The following CRPPA variants were observed in gnomAD, a reference collection of about 807,000 sequenced individuals.
CRPPA encodes D-ribitol-5-phosphate cytidylyltransferase.
CRPPA carries 43 observed loss-of-function variants against 52.0 expected under a neutral mutation model. That is an observed-to-expected ratio of 0.83 (90% CI 0.65 to 1.07). The LOEUF is 1.07. Ranked by LOEUF, CRPPA falls within the 50% of genes least tolerant of loss-of-function variation. The pLI is 0.00. For synonymous variants in CRPPA, 250 were observed against 203.5 expected (o/e 1.23, Z -1.94); for missense variants, 629 against 551.7 (o/e 1.14, Z -1.40).
At chr7:16,301,904 C>T (rs995816123) in intron 4 of CRPPA, among the ~76,000 whole-genome samples, 1 of 152,106 alleles carries the variant, frequency 6.6e-6, no homozygotes, top group Non-Finnish European at 1.5e-5. Context: ...AGAGGGACTT[C>T]CTTCTGAATT....
At chr7:16,294,329 T>A (rs557453237) in intron 5 of CRPPA, among the ~76,000 whole-genome samples, 45 of 152,076 alleles carry the variant, frequency 3.0e-4, no homozygotes, top group African/African-American at 1.1e-3. Flanking sequence ...AATACCTCAA[T>A]GTGACCTTCA....
chr7:16,092,054 A>C (rs1269695287), intron 9 of CRPPA, among the ~76,000 whole-genome samples: 3 of 152,228 alleles, frequency 2.0e-5, no homozygotes, highest in African/African-American at 7.2e-5. Flanking sequence ...GCTAACAGAA[A>C]GAAAAGATTA....
chr7:16,370,864 C>G (rs1344806741), intron 3 of CRPPA, among the ~76,000 whole-genome samples: 1 of 152,160 alleles, frequency 6.6e-6, no homozygotes, highest in East Asian at 1.9e-4. Context: ...CTACCAACAG[C>G]CTTCCTGGAA....
At chr7:16,125,031 G>C (rs1347528904) in intron 9 of CRPPA, among the ~76,000 whole-genome samples, 2 of 151,534 alleles carry the variant, frequency 1.3e-5, no homozygotes, top group Non-Finnish European at 2.9e-5. Flanking sequence ...AGGCAGAGGT[G>C]GGCAGATCAC....
chr7:16,233,387 C>T (rs1299980293), intron 8 of CRPPA, among the ~76,000 whole-genome samples: 1 of 152,120 alleles, frequency 6.6e-6, no homozygotes, highest in Non-Finnish European at 1.5e-5. Context: ...GAGGAAGACA[C>T]TGTGACCCAT....
intron 5 of CRPPA, among the ~76,000 whole-genome samples, chr7:16,293,467 C>G (rs1205731964): frequency 1.3e-5 from 2 of 151,936 alleles, no homozygotes; most frequent in Non-Finnish European, 2.9e-5. Context: ...TAAAGAGAAT[C>G]ACCACTATTG....
At chr7:16,388,802 A>G (rs1318023848) in intron 2 of CRPPA, among the ~76,000 whole-genome samples, 4 of 152,080 alleles carry the variant, frequency 2.6e-5, no homozygotes, top group African/African-American at 9.7e-5. Flanking sequence ...CTTGAACCCA[A>G]GAGGCAATGG....
chr7:16,149,612 C>T (rs1030989226), intron 9 of CRPPA, among the ~76,000 whole-genome samples: 1 of 152,156 alleles, frequency 6.6e-6, no homozygotes, highest in Non-Finnish European at 1.5e-5. Context: ...TGTAGCATGC[C>T]TCTAAGCTAA....
intron 8 of CRPPA, 119 bp downstream of exon 8, chr7:16,258,271 A>T (rs966855672): frequency 1.5e-5 from 8 of 549,060 alleles, no homozygotes; most frequent in Non-Finnish European, 2.2e-5. Flanking sequence ...ATCCACAAAC[A>T]AGAGTTTCTT....
chr7:16,217,527 A>G (rs1288896451), intron 8 of CRPPA, among the ~76,000 whole-genome samples: 2 of 130,936 alleles, frequency 1.5e-5, no homozygotes, highest in African/African-American at 5.8e-5. Context: ...AAAGGCAAAG[A>G]AGTTGAAAAC....
chr7:16,403,378 T>G (rs1173599016), intron 2 of CRPPA, among the ~76,000 whole-genome samples: 2 of 152,188 alleles, frequency 1.3e-5, no homozygotes, highest in Non-Finnish European at 2.9e-5. Context: ...TGAGGCATTC[T>G]CTTTACCAGT....
chr7:16,227,024 T>G (rs1204146290), intron 8 of CRPPA, among the ~76,000 whole-genome samples: 1 of 151,968 alleles, frequency 6.6e-6, no homozygotes, highest in Admixed American at 6.6e-5. Flanking sequence ...TTACTTCACT[T>G]AATATAATGT....
intron 2 of CRPPA, among the ~76,000 whole-genome samples, chr7:16,403,258 C>A (rs1351119454): frequency 1.3e-5 from 2 of 152,108 alleles, no homozygotes; most frequent in African/African-American, 4.8e-5. Flanking sequence ...ATCTTGCCTC[C>A]CTGTAGGGCC....
At chr7:16,381,206 G>A (rs1199161568) in intron 2 of CRPPA, among the ~76,000 whole-genome samples, 1 of 152,148 alleles carries the variant, frequency 6.6e-6, no homozygotes. Context: ...GTTCTGGTTG[G>A]TTTCAAAGAA....
At chr7:16,415,760 C>G (rs895965960) in intron 1 of CRPPA, among the ~76,000 whole-genome samples, 9 of 152,138 alleles carry the variant, frequency 5.9e-5, no homozygotes, top group Admixed American at 5.2e-4. Context: ...TCTCATTCTC[C>G]CTTCTGTAGC....
intron 5 of CRPPA, among the ~76,000 whole-genome samples, chr7:16,287,255 T>C (rs899353865): frequency 6.6e-6 from 1 of 152,192 alleles, no homozygotes; most frequent in Non-Finnish European, 1.5e-5. Flanking sequence ...TCCTGAAAGA[T>C]TTTTTTCCTC....
At chr7:16,267,236 C>T (rs1186216243) in intron 6 of CRPPA, among the ~76,000 whole-genome samples, 2 of 152,142 alleles carry the variant, frequency 1.3e-5, no homozygotes, top group Non-Finnish European at 2.9e-5. Flanking sequence ...ATGTCAATGA[C>T]TAGACAGGTT....
chr7:16,117,199 G>A (rs915849823), intron 9 of CRPPA, among the ~76,000 whole-genome samples: 2 of 152,154 alleles, frequency 1.3e-5, no homozygotes, highest in African/African-American at 4.8e-5. Context: ...TATCTTCCAT[G>A]TGAATCGGTT....
chr7:16,246,304 T>C (rs1453836457), intron 8 of CRPPA, among the ~76,000 whole-genome samples: 1 of 152,190 alleles, frequency 6.6e-6, no homozygotes, highest in Non-Finnish European at 1.5e-5. Context: ...TTTTATGAAA[T>C]TGCAGCAATT....
Sources: allele counts gnomAD v4.1 joint callset (sites outside exome capture counted in the v4.1 genomes callset), GRCh38; gene constraint gnomAD v4.1.1; transcripts MANE v1.5; gene names NCBI Gene and HGNC (gene_info 2026-07-23, HGNC 2026-07-21).